The following SLC24A2 variants were observed in gnomAD, a reference collection of about 807,000 sequenced individuals.
SLC24A2 encodes the protein solute carrier family 24 member 2.
SLC24A2 carries 36 observed loss-of-function variants against 62.0 expected under a neutral mutation model. That is an observed-to-expected ratio of 0.58 (90% CI 0.44 to 0.77). SLC24A2 has a LOEUF of 0.77. Among genes scored for constraint, SLC24A2 ranks in the 30% least tolerant of loss-of-function variants. The pLI is 0.00. For missense variants in SLC24A2, 846 were observed against 817.9 expected, an observed-to-expected ratio of 1.03 and a Z score of -0.42; for synonymous variants, 358 against 294.0, an observed-to-expected ratio of 1.22 and a Z score of -2.23.
the SLC24A2 span, among the ~76,000 whole-genome samples, chr9:19,946,670 C>T: frequency 2.0e-5 from 3 of 152,208 alleles, no homozygotes; most frequent in African/African-American, 7.2e-5. Context: ...CAGATGCCAG[C>T]ACTTCCTCTT....
chr9:19,580,727 C>G (rs550776162), intron 5 of SLC24A2, among the ~76,000 whole-genome samples: 1 of 152,194 alleles, frequency 6.6e-6, no homozygotes, highest in African/African-American at 2.4e-5. Flanking sequence ...AGCCCTAGCT[C>G]TCTCACTGTC....
chr9:20,305,431 G>C, the SLC24A2 span, among the ~76,000 whole-genome samples: 1 of 152,110 alleles, frequency 6.6e-6, no homozygotes, highest in African/African-American at 2.4e-5. Flanking sequence ...TAGTTACCAA[G>C]GAGTCAGTGT....
At chr9:19,698,983 T>G (rs1024408069) in intron 2 of SLC24A2, among the ~76,000 whole-genome samples, 1 of 152,216 alleles carries the variant, frequency 6.6e-6, no homozygotes, top group Non-Finnish European at 1.5e-5. Context: ...ATATGGTCTA[T>G]TGTAATATTT....
At chr9:19,593,993 C>T (rs1303124328) in intron 5 of SLC24A2, among the ~76,000 whole-genome samples, 6 of 152,034 alleles carry the variant, frequency 3.9e-5, no homozygotes, top group Non-Finnish European at 4.4e-5. Context: ...ACCCAGTGAA[C>T]GTTGGTGTGC....
chr9:19,904,287 TG>T, the SLC24A2 span, among the ~76,000 whole-genome samples: 1 of 152,218 alleles, frequency 6.6e-6, no homozygotes. Flanking sequence ...AGAGATTGTA[TG>T]GATCCAAGGC....
At chr9:20,103,079 G>A in the SLC24A2 span, among the ~76,000 whole-genome samples, 11 of 152,302 alleles carry the variant, frequency 7.2e-5, 1 homozygote, top group South Asian at 1.0e-3. Context: ...CTACGCCCAC[G>A]GAGTCTCACT....
At chr9:20,181,326 C>A in the SLC24A2 span, among the ~76,000 whole-genome samples, 1 of 152,036 alleles carries the variant, frequency 6.6e-6, no homozygotes, top group South Asian at 2.1e-4. Flanking sequence ...TAAAGTCCAC[C>A]AGCACTGTCA....
chr9:19,877,555 AT>A, the SLC24A2 span, among the ~76,000 whole-genome samples: 2 of 151,758 alleles, frequency 1.3e-5, no homozygotes, highest in Non-Finnish European at 2.9e-5. Context: ...GTGAAGGAGT[AT>A]GGGAATGTAG....
chr9:20,036,900 A>G, the SLC24A2 span, among the ~76,000 whole-genome samples: 2,546 of 132,436 alleles, frequency 0.019, 53 homozygotes, highest in African/African-American at 0.068. Context: ...GCGTATATAT[A>G]TGTATGTATG....
chr9:19,760,314 T>C (rs527386930), intron 2 of SLC24A2, among the ~76,000 whole-genome samples: 9 of 152,194 alleles, frequency 5.9e-5, no homozygotes, highest in African/African-American at 1.7e-4. Flanking sequence ...TTATCAAATC[T>C]TTCCTCTGCT....
the SLC24A2 span, among the ~76,000 whole-genome samples, chr9:19,876,633 T>A: frequency 2.0e-5 from 3 of 152,210 alleles, no homozygotes; most frequent in Admixed American, 2.0e-4. Flanking sequence ...TTTATAAAGC[T>A]TGTTGCTATG....
At chr9:19,723,408 T>A (rs1254037275) in intron 2 of SLC24A2, among the ~76,000 whole-genome samples, 1 of 151,968 alleles carries the variant, frequency 6.6e-6, no homozygotes, top group East Asian at 1.9e-4. Context: ...TCACCTCATT[T>A]AAAAAAAATA....
intron 4 of SLC24A2, among the ~76,000 whole-genome samples, chr9:19,603,512 G>A (rs925212644): frequency 6.6e-6 from 1 of 151,706 alleles, no homozygotes; most frequent in Non-Finnish European, 1.5e-5. Flanking sequence ...AGGGAGGGGG[G>A]CACTAAGGTG....
the SLC24A2 span, among the ~76,000 whole-genome samples, chr9:20,003,367 G>C: frequency 6.6e-6 from 1 of 152,172 alleles, no homozygotes; most frequent in Non-Finnish European, 1.5e-5. Flanking sequence ...TATTGTCAGA[G>C]AGAAATGCAC....
chr9:20,143,814 T>G, the SLC24A2 span, among the ~76,000 whole-genome samples: 3 of 152,194 alleles, frequency 2.0e-5, no homozygotes, highest in Admixed American at 2.0e-4. Context: ...TTGTGGGTGG[T>G]TTAGTACATC....
chr9:19,900,255 T>C, the SLC24A2 span, among the ~76,000 whole-genome samples: 1 of 152,264 alleles, frequency 6.6e-6, no homozygotes, highest in Non-Finnish European at 1.5e-5. Flanking sequence ...AATGGCATTT[T>C]CACTTTTTAC....
At chr9:19,682,296 G>A (rs17492716) in intron 2 of SLC24A2, among the ~76,000 whole-genome samples, 1 of 152,038 alleles carries the variant, frequency 6.6e-6, no homozygotes, top group Non-Finnish European at 1.5e-5. Context: ...TTTTGGTGCT[G>A]ATAGTAGACG....
the SLC24A2 span, among the ~76,000 whole-genome samples, chr9:19,961,422 T>A: frequency 6.6e-6 from 1 of 152,284 alleles, no homozygotes; most frequent in East Asian, 1.9e-4. Flanking sequence ...AAAAGCCTTT[T>A]TTTTCTTTCC....
chr9:20,167,413 G>C, the SLC24A2 span, among the ~76,000 whole-genome samples: 1 of 151,932 alleles, frequency 6.6e-6, no homozygotes, highest in Non-Finnish European at 1.5e-5. Flanking sequence ...TATGGAATCG[G>C]GGAAGGCAAG....
Sources: gnomAD v4.1 joint callset for allele counts (sites outside exome capture counted in the v4.1 genomes callset) on GRCh38, gnomAD v4.1.1 for gene constraint, MANE v1.5 for transcripts, NCBI Gene and HGNC (gene_info 2026-07-23, HGNC 2026-07-21) for gene names.